The following ATP6V1H variants were observed in gnomAD, a reference collection of about 807,000 sequenced individuals.
The protein encoded by ATP6V1H is V-type proton ATPase subunit H.
Under a neutral mutation model 71.7 loss-of-function variants are expected in ATP6V1H, and 39 were observed. That is an observed-to-expected ratio of 0.54 (90% CI 0.42 to 0.71). The LOEUF is 0.71. ATP6V1H is among the 30% of genes least tolerant of loss of function. The probability of loss-of-function intolerance (pLI) is 0.00; values close to 1 mark genes in which losing one functional copy is unlikely to be tolerated. For synonymous variants in ATP6V1H, 192 were observed against 199.3 expected, an observed-to-expected ratio of 0.96 and a Z score of 0.31; for missense variants, 509 against 594.9, an observed-to-expected ratio of 0.86 and a Z score of 1.50.
In ATP6V1H at chr8:53,758,294, C is replaced by T. The variant is rs192696732; in HGVS notation, c.1176-1638G>A. Among the ~76,000 whole-genome samples the T allele has an allele frequency of 4.8e-3, 725 of 151,884 alleles. 4 individuals are homozygous for T. The highest frequency in any genetic ancestry group is 0.017 in the African/African-American group (688 of 41,396). On this transcript the variant is annotated intron_variant, in intron 11 of 13. Transcript: ENST00000359530. ...TGAAATTATAAGCAAATTGCATTAA[C>T]GAAAATTATTTAAAATATAACATTT...
At chr8:53,779,471 G>C (rs1046539403) in intron 9 of ATP6V1H, among the ~76,000 whole-genome samples, 2 of 150,326 alleles carry the variant, frequency 1.3e-5, no homozygotes, top group Non-Finnish European at 3.0e-5. Context: ...TTACATGCTT[G>C]TCTCCTTTAC....
At chr8:53,727,451 T>G (rs1806852572) in intron 13 of ATP6V1H, among the ~76,000 whole-genome samples, 1 of 152,202 alleles carries the variant, frequency 6.6e-6, no homozygotes, top group South Asian at 2.1e-4. Flanking sequence ...AATCTACTCC[T>G]CTTCTGTCAG....
intron 7 of ATP6V1H, among the ~76,000 whole-genome samples, chr8:53,808,126 A>G (rs2130454535): frequency 1.3e-5 from 2 of 152,368 alleles, no homozygotes; most frequent in East Asian, 3.9e-4. Flanking sequence ...GGACACGGAA[A>G]CATGTGGGCT....
chr8:53,821,425 G>C (rs2130496144), intron 4 of ATP6V1H, among the ~76,000 whole-genome samples: 1 of 151,544 alleles, frequency 6.6e-6, no homozygotes, highest in East Asian at 1.9e-4. Context: ...GCTCACACCT[G>C]AATCTCAGAA....
chr8:53,819,568 A>G (rs1355218327), intron 4 of ATP6V1H, among the ~76,000 whole-genome samples: 16 of 129,242 alleles, frequency 1.2e-4, no homozygotes, highest in Non-Finnish European at 1.7e-5. Flanking sequence ...ATATATATAT[A>G]TATATATATA....
chr8:53,717,058 G>C (rs576959770), intron 13 of ATP6V1H, among the ~76,000 whole-genome samples: 19 of 152,332 alleles, frequency 1.2e-4, no homozygotes, highest in Admixed American at 3.3e-4. Flanking sequence ...CAGGTACACT[G>C]TCAATACCAT....
At chr8:53,727,731 A>C (rs190530684) in intron 13 of ATP6V1H, among the ~76,000 whole-genome samples, 1 of 152,236 alleles carries the variant, frequency 6.6e-6, no homozygotes, top group African/African-American at 2.4e-5. Flanking sequence ...TGAACTCCAA[A>C]CCTATATTTC....
At chr8:53,819,802 GTA>G (rs1044560706) in intron 4 of ATP6V1H, among the ~76,000 whole-genome samples, 3 of 144,044 alleles carry the variant, frequency 2.1e-5, no homozygotes, top group East Asian at 4.1e-4. Context: ...TGTATACAAA[GTA>G]TATGTGTGTG....
At chr8:53,784,341 C>G (rs1441667506) in intron 9 of ATP6V1H, among the ~76,000 whole-genome samples, 2 of 152,176 alleles carry the variant, frequency 1.3e-5, no homozygotes, top group Non-Finnish European at 2.9e-5. Flanking sequence ...TCTGTTTTAT[C>G]AGAGACTAGG....
Position 53,816,546 on chromosome 8 carries a change from C to T in ATP6V1H, c.420+871G>A, listed in dbSNP as rs140580529. On this transcript the variant is annotated intron_variant, in intron 5 of 13. Transcript: ENST00000359530. ...GGTGCAGTGCCTCACACCTGTAATC[C>T]CAGCACTCTGGGAGGCCGAGGCAGG... is the stretch of plus-strand genomic sequence containing the variant. Among the ~76,000 whole-genome samples, 93 of 152,256 alleles carry T rather than the reference C, an allele frequency of 6.1e-4. 2 individuals are homozygous for T. Among genetic ancestry groups the T allele is most frequent in the African/African-American group, 2.1e-3 (88 of 41,550 alleles).
chr8:53,833,862 C>T (rs1411788425), intron 2 of ATP6V1H, among the ~76,000 whole-genome samples: 2 of 152,098 alleles, frequency 1.3e-5, no homozygotes, highest in Non-Finnish European at 2.9e-5. Flanking sequence ...TCCCTGTCAT[C>T]CCCAGTGAAG....
chr8:53,750,555 G>T (rs1381569283), intron 12 of ATP6V1H, among the ~76,000 whole-genome samples: 3 of 152,014 alleles, frequency 2.0e-5, no homozygotes, highest in Non-Finnish European at 4.4e-5. Flanking sequence ...TTAAGTGAGG[G>T]CTTACTGTAT....
chr8:53,786,943 A>G (rs754627992), intron 9 of ATP6V1H, among the ~76,000 whole-genome samples: 1 of 152,248 alleles, frequency 6.6e-6, no homozygotes, highest in Admixed American at 6.5e-5. Context: ...TTGATTTTCA[A>G]TCAGTCATGA....
chr8:53,750,859 A>T (rs1399837893), intron 12 of ATP6V1H, among the ~76,000 whole-genome samples: 1 of 152,242 alleles, frequency 6.6e-6, no homozygotes, highest in African/African-American at 2.4e-5. Context: ...TTGAAGTAGC[A>T]GACACTTTAC....
intron 2 of ATP6V1H, among the ~76,000 whole-genome samples, chr8:53,834,059 T>A (rs1221814422): frequency 1.3e-5 from 2 of 152,184 alleles, no homozygotes; most frequent in Non-Finnish European, 2.9e-5. Context: ...GTCTAAAAGA[T>A]GTGTCAGCAG....
At chr8:53,771,152 C>A (rs1283825873) in intron 10 of ATP6V1H, among the ~76,000 whole-genome samples, 2 of 152,034 alleles carry the variant, frequency 1.3e-5, no homozygotes, top group African/African-American at 4.8e-5. Context: ...TACTGTTTTA[C>A]CAAAAGGAAA....
intron 9 of ATP6V1H, among the ~76,000 whole-genome samples, chr8:53,774,666 C>T (rs892689119): frequency 6.6e-6 from 1 of 150,682 alleles, no homozygotes; most frequent in Admixed American, 6.6e-5. Flanking sequence ...CCTGAACGAA[C>T]AAAAGGTAGC....
intron 2 of ATP6V1H, among the ~76,000 whole-genome samples, chr8:53,835,330 G>A (rs890872071): frequency 1.3e-5 from 2 of 152,154 alleles, no homozygotes; most frequent in Non-Finnish European, 2.9e-5. Flanking sequence ...AGCCCAGCAG[G>A]ATTCAAGCAA....
At chr8:53,798,498 G>T (rs1809813352) in intron 8 of ATP6V1H, among the ~76,000 whole-genome samples, 1 of 151,920 alleles carries the variant, frequency 6.6e-6, no homozygotes, top group Admixed American at 6.6e-5. Context: ...TCCAGCCTGG[G>T]TGAGACTCTG....
Sources: gnomAD v4.1 joint callset for allele counts (sites outside exome capture counted in the v4.1 genomes callset) on GRCh38, gnomAD v4.1.1 for gene constraint, MANE v1.5 for transcripts, NCBI Gene and HGNC (gene_info 2026-07-23, HGNC 2026-07-21) for gene names.